DOCK3: variants seen among roughly 807,000 people sequenced by gnomAD.
The protein encoded by DOCK3 is dedicator of cytokinesis 3, also known as dedicator of cytokinesis protein 3.
Under a neutral mutation model 265.6 loss-of-function variants are expected in DOCK3, and 60 were observed. That is an observed-to-expected ratio of 0.23 (90% CI 0.18 to 0.28). The LOEUF is 0.28. Ranked by LOEUF, DOCK3 falls within the 10% of genes least tolerant of loss-of-function variation. DOCK3 has a pLI of 1.00. For missense variants in DOCK3, 1,981 were observed against 2,594.3 expected (o/e 0.76, Z 5.14); for synonymous variants, 881 against 938.0 (o/e 0.94, Z 1.11).
At chr3:51,252,389 T>C (rs1160919004) in intron 22 of DOCK3, among the ~76,000 whole-genome samples, 7 of 152,228 alleles carry the variant, frequency 4.6e-5, no homozygotes, top group African/African-American at 1.7e-4. Context: ...TTTTTTCCAA[T>C]TCTGTGAACA....
intron 5 of DOCK3, among the ~76,000 whole-genome samples, chr3:51,034,863 C>A (rs1663439686): frequency 6.6e-6 from 1 of 151,958 alleles, no homozygotes; most frequent in Non-Finnish European, 1.5e-5. Context: ...ATATAGAATT[C>A]TGGGATGATT....
intron 9 of DOCK3, among the ~76,000 whole-genome samples, chr3:51,121,117 T>C (rs1248175066): frequency 1.3e-5 from 2 of 152,154 alleles, no homozygotes; most frequent in South Asian, 2.1e-4. Flanking sequence ...AGGGCCCTTG[T>C]TGTGTAGGCA....
At chr3:51,322,363 C>T (rs145024044) in intron 32 of DOCK3, among the ~76,000 whole-genome samples, 3,077 of 152,050 alleles carry the variant, frequency 0.02, 109 homozygotes, top group African/African-American at 0.07. Flanking sequence ...CCACTATGCC[C>T]GGCTAATTTT....
intron 1 of DOCK3, among the ~76,000 whole-genome samples, chr3:50,676,609 C>A (rs994442418): frequency 1.3e-5 from 2 of 149,550 alleles, no homozygotes; most frequent in Non-Finnish European, 2.9e-5. Context: ...AACTCGCTCC[C>A]AGAACTGCTG....
intron 3 of DOCK3, among the ~76,000 whole-genome samples, chr3:50,843,606 G>A (rs562302893): frequency 6.6e-6 from 1 of 152,224 alleles, no homozygotes; most frequent in East Asian, 1.9e-4. Flanking sequence ...TACAAAATGA[G>A]GAACCTAACT....
At chr3:50,811,631 C>T (rs2043764376) in intron 2 of DOCK3, among the ~76,000 whole-genome samples, 2 of 152,084 alleles carry the variant, frequency 1.3e-5, no homozygotes, top group African/African-American at 4.8e-5. Context: ...TGTGCATATC[C>T]TATGACCTAG....
At chr3:51,271,917 C>T (rs1254158189) in intron 24 of DOCK3, among the ~76,000 whole-genome samples, 1 of 150,972 alleles carries the variant, frequency 6.6e-6, no homozygotes, top group Non-Finnish European at 1.5e-5. Flanking sequence ...TGTTTCCTTG[C>T]CATACCATTC....
At chr3:51,335,220 G>C (rs923015140) in intron 35 of DOCK3, among the ~76,000 whole-genome samples, 1 of 145,578 alleles carries the variant, frequency 6.9e-6, no homozygotes, top group Admixed American at 6.9e-5. Flanking sequence ...ATGTACCCTA[G>C]AACTTAAAAT....
At chr3:50,868,318 C>T (rs941329714) in intron 3 of DOCK3, among the ~76,000 whole-genome samples, 2 of 152,144 alleles carry the variant, frequency 1.3e-5, no homozygotes, top group African/African-American at 2.4e-5. Context: ...GTGATCCGCC[C>T]ACCTCGGCCT....
At chr3:50,786,874 C>T in intron 2 of DOCK3, 1 of 740,182 alleles carries the variant, frequency 1.4e-6, no homozygotes. Flanking sequence ...TGAAGGACTT[C>T]TCTCCAGAAT....
chr3:51,179,910 C>A (rs1424211019), intron 12 of DOCK3, among the ~76,000 whole-genome samples: 2 of 149,900 alleles, frequency 1.3e-5, no homozygotes, highest in East Asian at 4.0e-4. Context: ...GACCTTGTCT[C>A]AAAAAAAACA....
chr3:50,991,817 C>T (rs548440362), intron 5 of DOCK3, among the ~76,000 whole-genome samples: 1 of 151,986 alleles, frequency 6.6e-6, no homozygotes, highest in South Asian at 2.1e-4. Flanking sequence ...ATGACACATA[C>T]TGTACAATCC....
intron 4 of DOCK3, among the ~76,000 whole-genome samples, chr3:50,930,272 C>T (rs567031743): frequency 3.3e-5 from 5 of 152,372 alleles, no homozygotes; most frequent in African/African-American, 1.2e-4. Context: ...TTTAACATCA[C>T]TCATGTTTCC....
At chr3:50,926,642 T>C (rs553568085) in intron 4 of DOCK3, among the ~76,000 whole-genome samples, 2 of 152,300 alleles carry the variant, frequency 1.3e-5, no homozygotes, top group Admixed American at 6.5e-5. Context: ...GTGCCCACTA[T>C]AGCAAGATGG....
chr3:50,707,109 A>G (rs892487558), intron 1 of DOCK3, among the ~76,000 whole-genome samples: 4 of 152,144 alleles, frequency 2.6e-5, no homozygotes, highest in South Asian at 2.1e-4. Flanking sequence ...TGCCGTGAGT[A>G]AAAGCTCCCT....
chr3:51,333,115 G>C, intron 34 of DOCK3, 43 bp from the exon 35 acceptor site: 2 of 1,613,866 alleles, frequency 1.2e-6, no homozygotes, highest in Non-Finnish European at 1.7e-6. Flanking sequence ...CCCAGGAGAA[G>C]GCTCATGAAT....
intron 5 of DOCK3, among the ~76,000 whole-genome samples, chr3:50,981,916 C>G (rs975274978): frequency 1.3e-5 from 2 of 152,158 alleles, no homozygotes; most frequent in African/African-American, 4.8e-5. Flanking sequence ...TTGGCACGAT[C>G]TTGGCTCACT....
intron 35 of DOCK3, among the ~76,000 whole-genome samples, chr3:51,337,521 G>T (rs570984223): frequency 6.6e-6 from 1 of 152,288 alleles, no homozygotes; most frequent in East Asian, 1.9e-4. Context: ...CAAGAAACTA[G>T]ATCTTCTCCA....
At chr3:51,363,483 AATTT>A (rs2086888656) in intron 49 of DOCK3, among the ~76,000 whole-genome samples, 1 of 152,062 alleles carries the variant, frequency 6.6e-6, no homozygotes, top group African/African-American at 2.4e-5. Flanking sequence ...AAATATCACA[AATTT>A]ATTTATTTAT....
Sources: gnomAD v4.1 joint callset for allele counts (sites outside exome capture counted in the v4.1 genomes callset) on GRCh38, gnomAD v4.1.1 for gene constraint, MANE v1.5 for transcripts, NCBI Gene and HGNC (gene_info 2026-07-23, HGNC 2026-07-21) for gene names.